NFX1: variants seen among roughly 807,000 people sequenced by gnomAD.
The protein encoded by NFX1 is nuclear transcription factor, X-box binding 1, also known as transcriptional repressor NF-X1.
In NFX1, 69 loss-of-function variants were observed where a neutral mutation model predicts 137.2. That is an observed-to-expected ratio of 0.50 (90% CI 0.41 to 0.61). The LOEUF (loss-of-function observed/expected upper bound fraction) is 0.61, where lower values mean the gene tolerates loss of function less well. NFX1 is among the 20% of genes least tolerant of loss of function. The probability of loss-of-function intolerance (pLI) is 0.00; values close to 1 mark genes in which losing one functional copy is unlikely to be tolerated. For missense variants in NFX1, 1,167 were observed against 1,391.0 expected, an observed-to-expected ratio of 0.84 and a Z score of 2.56; for synonymous variants, 495 against 474.1, an observed-to-expected ratio of 1.04 and a Z score of -0.57.
At chr9:33,356,081 C>G (rs1423093953) in intron 19 of NFX1, among the ~76,000 whole-genome samples, 1 of 152,188 alleles carries the variant, frequency 6.6e-6, no homozygotes, top group Non-Finnish European at 1.5e-5. Context: ...AGTGATTGTA[C>G]CAAATTACAC....
At chr9:33,351,901 G>C (rs1448666417) in intron 16 of NFX1, 111 bp downstream of exon 16, 3 of 958,724 alleles carry the variant, frequency 3.1e-6, no homozygotes, top group African/African-American at 1.7e-5. Flanking sequence ...AGGGTCATTG[G>C]TTGCAAATAA....
chr9:33,320,023 G>A (rs907572190), intron 9 of NFX1, among the ~76,000 whole-genome samples: 3 of 150,532 alleles, frequency 2.0e-5, no homozygotes, highest in Admixed American at 2.0e-4. Flanking sequence ...GTGCAGTGGC[G>A]TGATTTTGGC....
At chr9:33,364,833 A>C in intron 21 of NFX1, 59 bp downstream of exon 21, 1 of 1,593,732 alleles carries the variant, frequency 6.3e-7, no homozygotes, top group Middle Eastern at 1.7e-4. Context: ...GAAAAAAAAA[A>C]AGCAATCAAG....
At chr9:33,295,733 A>AT (rs957851591) in intron 2 of NFX1, among the ~76,000 whole-genome samples, 1 of 147,966 alleles carries the variant, frequency 6.8e-6, no homozygotes, top group Non-Finnish European at 1.5e-5. Context: ...TGGTTACAAG[A>AT]TTTTTTTTGA....
chr9:33,290,645 A>G, intron 1 of NFX1, 48 bp downstream of exon 1: 2 of 1,583,976 alleles, frequency 1.3e-6, no homozygotes, highest in African/African-American at 1.4e-5. Flanking sequence ...GGGAGCGGAA[A>G]TTGGGTCAGT....
intron 23 of NFX1, among the ~76,000 whole-genome samples, chr9:33,368,474 T>C (rs1234271287): frequency 1.3e-5 from 2 of 152,166 alleles, no homozygotes; most frequent in African/African-American, 4.8e-5. Flanking sequence ...GTTGGGTGAC[T>C]GTTGGGCTTT....
At position 33,364,127 on chromosome 9, in the gene NFX1, G is replaced by A. The variant is rs561299378; in HGVS notation, c.2972+19G>A. 1.3e-5 allele frequency: 21 copies of A among 1,559,486 alleles called. No homozygotes were observed. The African/African-American group carries it at 2.5e-4, about 18-fold the overall frequency. On this transcript the variant is annotated intron_variant, in intron 20 of 23. Transcript: ENST00000379540. ...ATGCCAGGTATGTAACTTGTTACCT[G>A]CTTTCTTAATTGTGGCTTGTCAGGG...
chr9:33,367,462 A>G, intron 22 of NFX1, 53 bp from the exon 23 acceptor site: 15 of 1,580,210 alleles, frequency 9.5e-6, no homozygotes, highest in Non-Finnish European at 9.6e-6. Context: ...CTTTCTGTCC[A>G]TCTCCACAAA....
At chr9:33,325,588 C>T (rs1179362554) in intron 9 of NFX1, among the ~76,000 whole-genome samples, 3 of 151,818 alleles carry the variant, frequency 2.0e-5, no homozygotes, top group Non-Finnish European at 4.4e-5. Flanking sequence ...GGCATGAACC[C>T]GGGAGGCGTA....
chr9:33,353,877 A>G (rs1205240646), intron 17 of NFX1, among the ~76,000 whole-genome samples: 1 of 151,556 alleles, frequency 6.6e-6, no homozygotes, highest in Non-Finnish European at 1.5e-5. Flanking sequence ...TTTAGTAGAG[A>G]CGGGGTTTCA....
Position 33,294,685 on chromosome 9 carries a change from G to C in NFX1, c.291G>C (p.Lys97Asn). ...CCTCTCCTTGTAATAAATCGCCCAA[G>C]AGCCATGGCCTTCAGAATCAACCTT... ...FQSSPCNKSP[K>N]SHGLQNQPWQ... Residue 97 changes from lysine to asparagine, a missense_variant, in exon 2 of 24, where the codon AAG (lysine) becomes AAC (asparagine). This residue lies in a region of NFX1 where 367 missense variants were observed against 386.7 expected (regional missense o/e 0.95). Coordinates refer to ENST00000379540, the MANE Select transcript of NFX1 (RefSeq NM_002504.6). The C allele has an allele frequency of 1.2e-6, 2 of 1,614,140 alleles. No homozygotes were observed. The highest frequency in any genetic ancestry group is 1.7e-6 in the Non-Finnish European group (2 of 1,180,034).
intron 19 of NFX1, among the ~76,000 whole-genome samples, chr9:33,359,318 G>C (rs963829353): frequency 5.3e-5 from 8 of 151,902 alleles, no homozygotes; most frequent in African/African-American, 1.9e-4. Context: ...ATATTCCTTG[G>C]CCGGGCGCGG....
At chr9:33,331,147 C>G (rs1053273325) in intron 10 of NFX1, among the ~76,000 whole-genome samples, 1 of 151,382 alleles carries the variant, frequency 6.6e-6, no homozygotes, top group Admixed American at 6.6e-5. Flanking sequence ...GCCAGGGCAA[C>G]AGAGCAAGAC....
intron 19 of NFX1, among the ~76,000 whole-genome samples, chr9:33,358,792 G>C (rs1587877032): frequency 6.6e-6 from 1 of 150,504 alleles, no homozygotes; most frequent in African/African-American, 2.4e-5. Flanking sequence ...CTCCCAAGTA[G>C]CTGGAACTGC....
At chr9:33,363,296 T>C (rs986486917) in intron 19 of NFX1, among the ~76,000 whole-genome samples, 55 of 142,888 alleles carry the variant, frequency 3.8e-4, no homozygotes, top group African/African-American at 1.4e-3. Flanking sequence ...ATTATTATTA[T>C]TATTTTTAGA....
intron 7 of NFX1, among the ~76,000 whole-genome samples, chr9:33,316,547 C>G (rs1295697873): frequency 1.3e-5 from 2 of 152,066 alleles, no homozygotes; most frequent in African/African-American, 4.8e-5. Context: ...TTTTTCAAAC[C>G]CAGTTTTGAA....
intron 11 of NFX1, chr9:33,332,712 A>G: frequency 2.2e-6 from 1 of 459,736 alleles, no homozygotes; most frequent in Non-Finnish European, 4.0e-6. Context: ...ACTCATGTCT[A>G]CAGCTTGCTT....
chr9:33,292,072 C>T (rs1821182644), intron 1 of NFX1, among the ~76,000 whole-genome samples: 1 of 152,186 alleles, frequency 6.6e-6, no homozygotes, highest in Non-Finnish European at 1.5e-5. Context: ...CATCCACAGG[C>T]TCGTTTCTGA....
At chr9:33,304,816 A>T (rs1821695559) in intron 4 of NFX1, among the ~76,000 whole-genome samples, 1 of 152,244 alleles carries the variant, frequency 6.6e-6, no homozygotes, top group African/African-American at 2.4e-5. Context: ...TGGAAGTAAG[A>T]GATCAGTGGA....
Sources: allele counts gnomAD v4.1 joint callset (sites outside exome capture counted in the v4.1 genomes callset), GRCh38; gene constraint gnomAD v4.1.1; regional missense constraint gnomAD v4.1.1; transcripts MANE v1.5; gene names NCBI Gene and HGNC (gene_info 2026-07-23, HGNC 2026-07-21).